The following ARHGAP42 variants were observed in gnomAD, a reference collection of about 807,000 sequenced individuals.
The protein encoded by ARHGAP42 is rho GTPase-activating protein 42.
In ARHGAP42, 63 loss-of-function variants were observed where a neutral mutation model predicts 125.0. That is an observed-to-expected ratio of 0.50 (90% CI 0.41 to 0.62). The LOEUF is 0.62. Ranked by LOEUF, ARHGAP42 falls within the 20% of genes least tolerant of loss-of-function variation. ARHGAP42 has a pLI of 0.00. For synonymous variants in ARHGAP42, 339 were observed against 351.0 expected, an observed-to-expected ratio of 0.97 and a Z score of 0.38; for missense variants, 766 against 1,024.2, an observed-to-expected ratio of 0.75 and a Z score of 3.44.
chr11:100,921,050 C>T (rs915349648), intron 5 of ARHGAP42, among the ~76,000 whole-genome samples: 4 of 151,272 alleles, frequency 2.6e-5, no homozygotes, highest in East Asian at 3.9e-4. Context: ...TTCAGGAAAA[C>T]GGCCCCTGCT....
At chr11:100,779,598 A>ATATGT (rs1863250662) in intron 2 of ARHGAP42, among the ~76,000 whole-genome samples, 6 of 148,900 alleles carry the variant, frequency 4.0e-5, no homozygotes, top group Admixed American at 2.7e-4. Context: ...ACGTGTATAT[A>ATATGT]TATGTACTTA....
At chr11:100,909,376 A>G (rs1334297364) in intron 4 of ARHGAP42, among the ~76,000 whole-genome samples, 3 of 125,454 alleles carry the variant, frequency 2.4e-5, no homozygotes, top group African/African-American at 9.1e-5. Context: ...ACAGAGTTTC[A>G]CTCTTGTTGC....
chr11:100,843,664 C>T (rs1417341675), intron 3 of ARHGAP42, among the ~76,000 whole-genome samples: 1 of 151,902 alleles, frequency 6.6e-6, no homozygotes, highest in Admixed American at 6.6e-5. Context: ...CAACAGTGAC[C>T]AAGCTGAGCA....
chr11:100,863,037 CAA>C (rs71053151), intron 4 of ARHGAP42, among the ~76,000 whole-genome samples: 56 of 112,438 alleles, frequency 5.0e-4, no homozygotes, highest in African/African-American at 7.0e-4. Context: ...AACTCCGTCT[CAA>C]AAAAAAAAAA....
chr11:100,883,484 A>T (rs1226717315), intron 4 of ARHGAP42, among the ~76,000 whole-genome samples: 1 of 152,074 alleles, frequency 6.6e-6, no homozygotes, highest in Non-Finnish European at 1.5e-5. Context: ...CTGGGATTAC[A>T]GGTGCCCGCC....
intron 17 of ARHGAP42, among the ~76,000 whole-genome samples, chr11:100,972,878 G>T (rs886462223): frequency 2.0e-5 from 3 of 152,072 alleles, no homozygotes; most frequent in Non-Finnish European, 2.9e-5. Flanking sequence ...TAGTAGCATT[G>T]AAAATACCAA....
chr11:100,985,940 C>T (rs1858667609), intron 22 of ARHGAP42: 1 of 412,792 alleles, frequency 2.4e-6, no homozygotes. Flanking sequence ...GATGCAAATG[C>T]TGCTGACGCT....
chr11:100,858,420 C>T (rs957277372), intron 3 of ARHGAP42, among the ~76,000 whole-genome samples: 3 of 151,890 alleles, frequency 2.0e-5, no homozygotes, highest in African/African-American at 4.8e-5. Flanking sequence ...TTCTGCAAAT[C>T]GAGGATTAAC....
In ARHGAP42 at chr11:100,835,086, G is replaced by A. The variant is rs543433659; in HGVS notation, c.313-24468G>A. 4.6e-5 allele frequency among the ~76,000 whole-genome samples: 7 copies of A among 151,872 alleles called. No homozygotes were observed. In the South Asian group the frequency reaches 8.3e-4, roughly 18 times the overall value. On this transcript the variant is annotated intron_variant, in intron 3 of 23. Transcript: ENST00000298815. ...ACTCTGAAATGTGTCAAATAGTGTCGAGGTTCATCTTTCTATCTACATATT... is the reference window on the plus strand; with the variant it reads ...ACTCTGAAATGTGTCAAATAGTGTCAAGGTTCATCTTTCTATCTACATATT...
intron 4 of ARHGAP42, 92 bp downstream of exon 4, chr11:100,859,717 C>A: frequency 1.9e-6 from 2 of 1,043,102 alleles, no homozygotes; most frequent in Non-Finnish European, 2.7e-6. Context: ...ATTAGAATGA[C>A]CTTTTAAAAG....
At chr11:100,934,118 C>A (rs1000279623) in intron 7 of ARHGAP42, among the ~76,000 whole-genome samples, 2 of 152,118 alleles carry the variant, frequency 1.3e-5, no homozygotes, top group Non-Finnish European at 1.5e-5. Context: ...AGCAAAATTT[C>A]TTTATTTGTG....
At chr11:100,695,099 A>G (rs932573090) in intron 1 of ARHGAP42, among the ~76,000 whole-genome samples, 1 of 152,244 alleles carries the variant, frequency 6.6e-6, no homozygotes, top group African/African-American at 2.4e-5. Context: ...CCTGTGCTCC[A>G]TCTTTTACAG....
intron 1 of ARHGAP42, among the ~76,000 whole-genome samples, chr11:100,712,890 C>T (rs1393824939): frequency 2.0e-5 from 3 of 152,186 alleles, no homozygotes; most frequent in Non-Finnish European, 4.4e-5. Flanking sequence ...TGCCTTCCTA[C>T]CTCCAATGTC....
intron 1 of ARHGAP42, among the ~76,000 whole-genome samples, chr11:100,734,935 T>G (rs1256074935): frequency 2.0e-5 from 3 of 152,006 alleles, no homozygotes; most frequent in African/African-American, 7.3e-5. Flanking sequence ...TGGTTTACAC[T>G]GATAACAGAT....
intron 2 of ARHGAP42, among the ~76,000 whole-genome samples, chr11:100,778,171 T>G (rs1863175840): frequency 6.6e-6 from 1 of 151,570 alleles, no homozygotes; most frequent in Non-Finnish European, 1.5e-5. Flanking sequence ...AGACCCTGTC[T>G]CTTAAGAAAA....
chr11:100,814,501 A>T (rs774856797), intron 3 of ARHGAP42, among the ~76,000 whole-genome samples: 5 of 152,202 alleles, frequency 3.3e-5, no homozygotes, highest in Non-Finnish European at 7.3e-5. Flanking sequence ...TGGTATAAAG[A>T]AATACATGAG....
At chr11:100,788,327 A>C (rs1379453817) in intron 2 of ARHGAP42, among the ~76,000 whole-genome samples, 3 of 152,212 alleles carry the variant, frequency 2.0e-5, no homozygotes, top group Non-Finnish European at 4.4e-5. Context: ...CAAGGAGGAC[A>C]TTGTGGAGAA....
chr11:100,692,617 C>G (rs1405620761), intron 1 of ARHGAP42, among the ~76,000 whole-genome samples: 1 of 152,130 alleles, frequency 6.6e-6, no homozygotes, highest in Non-Finnish European at 1.5e-5. Flanking sequence ...GTTCTGGTAG[C>G]AGTTGTTCCT....
intron 5 of ARHGAP42, 60 bp downstream of exon 5, chr11:100,913,613 CAA>C (rs1373987481): frequency 4.3e-6 from 4 of 921,068 alleles, no homozygotes; most frequent in Non-Finnish European, 5.9e-6. Context: ...TCAAAATTTC[CAA>C]AGGTAAAACT....
Sources: gnomAD v4.1 joint callset for allele counts (sites outside exome capture counted in the v4.1 genomes callset) on GRCh38, gnomAD v4.1.1 for gene constraint, MANE v1.5 for transcripts, NCBI Gene and HGNC (gene_info 2026-07-23, HGNC 2026-07-21) for gene names.